PGM5: variants seen among roughly 807,000 people sequenced by gnomAD.
PGM5 encodes phosphoglucomutase-like protein 5.
PGM5 carries 23 observed loss-of-function variants against 59.2 expected under a neutral mutation model. That is an observed-to-expected ratio of 0.39 (90% CI 0.28 to 0.55). The LOEUF (loss-of-function observed/expected upper bound fraction) is 0.55. Ranked by LOEUF, PGM5 falls within the 20% of genes least tolerant of loss-of-function variation. PGM5 has a pLI of 0.66. For missense variants in PGM5, 574 were observed against 748.3 expected (o/e 0.77, Z 2.72); for synonymous variants, 214 against 286.0 (o/e 0.75, Z 2.54).
At chr9:68,526,644 A>G (rs1014440314) in intron 10 of PGM5, among the ~76,000 whole-genome samples, 13 of 152,220 alleles carry the variant, frequency 8.5e-5, no homozygotes, top group African/African-American at 3.1e-4. Flanking sequence ...TTCATCATCT[A>G]TAATATCTGT....
At chr9:68,499,512 T>A (rs188886233) in intron 10 of PGM5, 151 bp downstream of exon 10, 184 of 766,120 alleles carry the variant, frequency 2.4e-4, no homozygotes, top group Admixed American at 8.9e-4. Flanking sequence ...TCCAAGCAAG[T>A]TTAATTCGTT....
intron 10 of PGM5, among the ~76,000 whole-genome samples, chr9:68,502,112 A>G (rs1411618494): frequency 1.3e-5 from 2 of 152,146 alleles, no homozygotes; most frequent in African/African-American, 4.8e-5. Flanking sequence ...TGGTAAGGAG[A>G]GGATGGGCCG....
intron 7 of PGM5, among the ~76,000 whole-genome samples, chr9:68,474,318 G>A (rs149656637): frequency 1.8e-4 from 27 of 152,274 alleles, no homozygotes; most frequent in African/African-American, 4.8e-4. Flanking sequence ...CCTTATCTGA[G>A]TTTCAGCTGT....
intron 6 of PGM5, among the ~76,000 whole-genome samples, chr9:68,410,102 G>A (rs1822900742): frequency 1.3e-5 from 2 of 152,202 alleles, no homozygotes; most frequent in Non-Finnish European, 2.9e-5. Flanking sequence ...CAGGCAGTGG[G>A]AGCTCCGGCC....
Position 68,473,575 on chromosome 9 carries a change from A to T in PGM5, c.1160-5843A>T, listed in dbSNP as rs1554686421. Among the ~76,000 whole-genome samples the T allele has an allele frequency of 3.3e-5, 5 of 152,200 alleles. No individual in the cohort carries two copies. The South Asian group carries it at 1.0e-3, about 32-fold the overall frequency. On this transcript the variant is annotated intron_variant, in intron 7 of 10. Coordinates refer to ENST00000396396, the MANE Select transcript of PGM5 (RefSeq NM_021965.4). ...TGTGGAAATTAAATAATAGATGCAT[A>T]AAATCCCCTAGCGCAGTGCCTGGTG...
At chr9:68,438,941 G>A (rs997379116) in intron 6 of PGM5, among the ~76,000 whole-genome samples, 11 of 152,242 alleles carry the variant, frequency 7.2e-5, no homozygotes, top group Admixed American at 2.0e-4. Flanking sequence ...TGGCCAAAAA[G>A]AGCCTAAAAC....
intron 6 of PGM5, chr9:68,396,882 T>C (rs1554680033): frequency 6.6e-6 from 1 of 152,200 alleles, no homozygotes. Flanking sequence ...GAGGACACAG[T>C]TGAGATCCAT....
intron 6 of PGM5, among the ~76,000 whole-genome samples, chr9:68,407,144 T>G (rs1340288542): frequency 3.9e-5 from 6 of 152,114 alleles, no homozygotes; most frequent in Non-Finnish European, 5.9e-5. Context: ...TACGTTTTTT[T>G]GGGGTGGGGA....
intron 8 of PGM5, among the ~76,000 whole-genome samples, chr9:68,480,486 C>A (rs1333252804): frequency 1.3e-5 from 2 of 152,126 alleles, no homozygotes; most frequent in Non-Finnish European, 2.9e-5. Flanking sequence ...AGGCGGATCA[C>A]CTGAGGTCAG....
intron 6 of PGM5, chr9:68,426,724 C>T (rs1405255484): frequency 6.6e-6 from 1 of 151,506 alleles, no homozygotes; most frequent in African/African-American, 2.4e-5. Flanking sequence ...CTTTTCACTT[C>T]ATCCAAATAT....
At chr9:68,479,857 C>T (rs1554686990) in intron 8 of PGM5, among the ~76,000 whole-genome samples, 2 of 151,110 alleles carry the variant, frequency 1.3e-5, no homozygotes, top group Non-Finnish European at 3.0e-5. Flanking sequence ...TGGCGTGAAC[C>T]CGGAAGGCGG....
chr9:68,499,441 G>T, intron 10 of PGM5, 80 bp downstream of exon 10: 1 of 1,417,522 alleles, frequency 7.1e-7, no homozygotes, highest in Non-Finnish European at 9.7e-7. Context: ...CTTTAGTGGG[G>T]CTATTTTACC....
chr9:68,362,353 A>AT (rs1834592893), intron 1 of PGM5, among the ~76,000 whole-genome samples: 1 of 152,320 alleles, frequency 6.6e-6, no homozygotes, highest in Non-Finnish European at 1.5e-5. Flanking sequence ...GGATGCTTGG[A>AT]TTTTTATATT....
intron 6 of PGM5, among the ~76,000 whole-genome samples, chr9:68,433,668 C>T (rs1486075505): frequency 6.6e-6 from 1 of 152,160 alleles, no homozygotes; most frequent in East Asian, 1.9e-4. Context: ...GGACAGGGCA[C>T]ATTTGACCTG....
chr9:68,479,149 A>G (rs1485082128), intron 7 of PGM5, among the ~76,000 whole-genome samples: 2 of 152,340 alleles, frequency 1.3e-5, no homozygotes, highest in Admixed American at 1.3e-4. Flanking sequence ...GAATAAATGA[A>G]TAATCTCATT....
intron 10 of PGM5, among the ~76,000 whole-genome samples, chr9:68,526,055 CA>C (rs1041124253): frequency 1.2e-3 from 148 of 125,500 alleles, no homozygotes; most frequent in Middle Eastern, 4.1e-3. Flanking sequence ...GACTCCTTCT[CA>C]AAAAAAAAAA....
At chr9:68,482,723 G>A (rs1207255739) in intron 8 of PGM5, among the ~76,000 whole-genome samples, 1 of 152,180 alleles carries the variant, frequency 6.6e-6, no homozygotes, top group Non-Finnish European at 1.5e-5. Context: ...TCCTAGGTGT[G>A]CCATTAGGTC....
chr9:68,362,608 T>C (rs1188965839), intron 1 of PGM5, among the ~76,000 whole-genome samples: 1 of 152,128 alleles, frequency 6.6e-6, no homozygotes, highest in African/African-American at 2.4e-5. Flanking sequence ...TCTTTCTACT[T>C]TTATCTGCTT....
chr9:68,520,651 A>G (rs1564028364), intron 10 of PGM5, among the ~76,000 whole-genome samples: 1 of 152,242 alleles, frequency 6.6e-6, no homozygotes, highest in Non-Finnish European at 1.5e-5. Flanking sequence ...AACAAAATTG[A>G]CACAAAAAAA....
Sources: gnomAD v4.1 joint callset for allele counts (sites outside exome capture counted in the v4.1 genomes callset) on GRCh38, gnomAD v4.1.1 for gene constraint, MANE v1.5 for transcripts, NCBI Gene and HGNC (gene_info 2026-07-23, HGNC 2026-07-21) for gene names.